Variants in EXOC6B observed in about 807,000 individuals in gnomAD.
The protein encoded by EXOC6B is exocyst complex component 6B, also known as SEC15 homolog B.
EXOC6B carries 54 observed loss-of-function variants against 113.5 expected under a neutral mutation model. The observed-to-expected ratio is 0.48, with a 90% CI of 0.38 to 0.60. The LOEUF is 0.60. Ranked by LOEUF, EXOC6B falls within the 20% of genes least tolerant of loss-of-function variation. The pLI, the probability that EXOC6B is intolerant of heterozygous loss-of-function variation, is 0.00. For missense variants in EXOC6B, 797 were observed against 977.5 expected (o/e 0.82, Z 2.46); for synonymous variants, 357 against 339.0 (o/e 1.05, Z -0.58).
intron 8 of EXOC6B, among the ~76,000 whole-genome samples, chr2:72,557,149 C>G (rs1221761617): frequency 6.6e-6 from 1 of 151,334 alleles, no homozygotes; most frequent in Non-Finnish European, 1.5e-5. Context: ...ATATACAAAT[C>G]ACTATATATT....
At chr2:72,714,270 G>A (rs1679461179) in intron 6 of EXOC6B, among the ~76,000 whole-genome samples, 1 of 152,208 alleles carries the variant, frequency 6.6e-6, no homozygotes, top group African/African-American at 2.4e-5. Context: ...GGGTTTAGTG[G>A]TCAGGCAGTG....
At chr2:72,696,271 G>C (rs1458240523) in intron 6 of EXOC6B, among the ~76,000 whole-genome samples, 2 of 152,158 alleles carry the variant, frequency 1.3e-5, no homozygotes, top group Non-Finnish European at 2.9e-5. Context: ...TTTTAAACAT[G>C]TACAAAATGG....
At chr2:72,200,819 G>A (rs775491165) in intron 20 of EXOC6B, among the ~76,000 whole-genome samples, 2 of 152,122 alleles carry the variant, frequency 1.3e-5, no homozygotes, top group East Asian at 1.9e-4. Flanking sequence ...AGGGAGTTTC[G>A]TTTTTTAATT....
At chr2:72,589,130 C>T (rs1387385358) in intron 6 of EXOC6B, among the ~76,000 whole-genome samples, 2 of 50,688 alleles carry the variant, frequency 3.9e-5, no homozygotes, top group African/African-American at 1.3e-4. Flanking sequence ...TCATTTTACT[C>T]ACTTAAAAAA....
intron 8 of EXOC6B, among the ~76,000 whole-genome samples, chr2:72,523,343 T>C (rs1701588530): frequency 6.6e-6 from 1 of 152,214 alleles, no homozygotes; most frequent in Non-Finnish European, 1.5e-5. Context: ...CAAACCATTA[T>C]TGAGCTCCAT....
At chr2:72,705,838 T>C (rs1246560989) in intron 6 of EXOC6B, among the ~76,000 whole-genome samples, 2 of 152,204 alleles carry the variant, frequency 1.3e-5, no homozygotes, top group African/African-American at 4.8e-5. Context: ...CATTTCTCTG[T>C]TGAGATCTTA....
intron 6 of EXOC6B, among the ~76,000 whole-genome samples, chr2:72,717,250 G>A (rs1679675463): frequency 6.6e-6 from 1 of 152,064 alleles, no homozygotes; most frequent in Admixed American, 6.5e-5. Flanking sequence ...AGATTATCAA[G>A]GCTAGTCGAG....
chr2:72,349,223 A>G (rs2104935850), intron 19 of EXOC6B, among the ~76,000 whole-genome samples: 1 of 152,298 alleles, frequency 6.6e-6, no homozygotes, highest in African/African-American at 2.4e-5. Context: ...GTGATATAAT[A>G]AGGAATATAT....
chr2:72,574,135 A>G (rs1220539826), intron 7 of EXOC6B, among the ~76,000 whole-genome samples: 2 of 150,572 alleles, frequency 1.3e-5, no homozygotes, highest in East Asian at 3.9e-4. Flanking sequence ...AAAAAGTAGT[A>G]GTTTACATTC....
At chr2:72,515,019 G>C (rs1701143486) in intron 9 of EXOC6B, 24 bp downstream of exon 9, 1 of 1,575,858 alleles carries the variant, frequency 6.3e-7, no homozygotes, top group Non-Finnish European at 8.6e-7. Flanking sequence ...AAAAATGTGA[G>C]AAAAGTGAAG....
chr2:72,449,409 G>C (rs549199112), intron 18 of EXOC6B, among the ~76,000 whole-genome samples: 164 of 151,024 alleles, frequency 1.1e-3, no homozygotes, highest in African/African-American at 3.8e-3. Flanking sequence ...CAGACCTCGT[G>C]ATACACCCGC....
At chr2:72,700,241 C>CACACAT (rs1277343414) in intron 6 of EXOC6B, among the ~76,000 whole-genome samples, 1 of 149,990 alleles carries the variant, frequency 6.7e-6, no homozygotes, top group African/African-American at 2.5e-5. Context: ...CACAGAAACA[C>CACACAT]ACACACACAC....
chr2:72,316,315 G>T (rs1572902162), intron 20 of EXOC6B, among the ~76,000 whole-genome samples: 1 of 152,114 alleles, frequency 6.6e-6, no homozygotes, highest in African/African-American at 2.4e-5. Flanking sequence ...TTCCTCTCTG[G>T]CATGAACCAT....
At chr2:72,434,175 T>C (rs1695715510) in intron 18 of EXOC6B, among the ~76,000 whole-genome samples, 1 of 152,194 alleles carries the variant, frequency 6.6e-6, no homozygotes, top group Non-Finnish European at 1.5e-5. Context: ...GTGGCTTTTG[T>C]CATTGCTTTT....
At chr2:72,467,347 C>T (rs1368739760) in intron 17 of EXOC6B, among the ~76,000 whole-genome samples, 3 of 152,140 alleles carry the variant, frequency 2.0e-5, no homozygotes, top group Non-Finnish European at 4.4e-5. Flanking sequence ...TGGAAATAAA[C>T]CCAGTAGTGG....
chr2:72,551,421 C>T (rs1036006372), intron 8 of EXOC6B, among the ~76,000 whole-genome samples: 2 of 152,074 alleles, frequency 1.3e-5, no homozygotes, highest in African/African-American at 4.8e-5. Context: ...TGGTCTCGAT[C>T]TCTTGACCTT....
chr2:72,671,803 GAAAGAAAGAAAGAAAGAAGAGAAA>G, intron 6 of EXOC6B, among the ~76,000 whole-genome samples: 1 of 116,680 alleles, frequency 8.6e-6, no homozygotes, highest in Admixed American at 9.6e-5. Context: ...AAGAAAGAAA[GAAAGAAAGAAAGAAAGAAGAGAAA>G]AGAAAGAAGG....
At chr2:72,230,258 G>A (rs1000784897) in intron 20 of EXOC6B, among the ~76,000 whole-genome samples, 4 of 152,256 alleles carry the variant, frequency 2.6e-5, no homozygotes, top group African/African-American at 9.6e-5. Context: ...GCATGCTGTG[G>A]AACTACAGTT....
In EXOC6B at chr2:72,284,076, T is replaced by C. The variant is rs148822697; in HGVS notation, c.2196+50871A>G. 4.1e-3 allele frequency among the ~76,000 whole-genome samples: 628 copies of C among 152,258 alleles called. 5 individuals carry two copies. Among genetic ancestry groups the C allele is most frequent in the African/African-American group, 0.014 (577 of 41,538 alleles). ...TTTAAGGACAAAATTATAGGAATTA[T>C]TTACAAAATCTTTCAAAACACAGAA... is the stretch of plus-strand genomic sequence containing the variant. On this transcript the variant is annotated intron_variant, in intron 20 of 21. Coordinates refer to ENST00000272427, the MANE Select transcript of EXOC6B (RefSeq NM_015189.3).
Sources: allele counts gnomAD v4.1 joint callset (sites outside exome capture counted in the v4.1 genomes callset), GRCh38; gene constraint gnomAD v4.1.1; transcripts MANE v1.5; gene names NCBI Gene and HGNC (gene_info 2026-07-23, HGNC 2026-07-21).